Variants in LIPA observed in about 807,000 individuals in gnomAD.
LIPA encodes the protein lysosomal acid lipase/cholesteryl ester hydrolase.
LIPA carries 26 observed loss-of-function variants against 40.6 expected under a neutral mutation model. That is an observed-to-expected ratio of 0.64 (90% CI 0.47 to 0.89). The LOEUF (loss-of-function observed/expected upper bound fraction) is 0.89. Among genes scored for constraint, LIPA ranks in the 40% least tolerant of loss-of-function variants. The probability of loss-of-function intolerance (pLI) is 0.00; values close to 1 mark genes in which losing one functional copy is unlikely to be tolerated. For synonymous variants in LIPA, 188 were observed against 168.4 expected, an observed-to-expected ratio of 1.12 and a Z score of -0.90; for missense variants, 455 against 479.6, an observed-to-expected ratio of 0.95 and a Z score of 0.48.
chr10:89,379,996 C>G (rs1045885011), intron 2 of LIPA, among the ~76,000 whole-genome samples: 6 of 151,088 alleles, frequency 4.0e-5, no homozygotes, highest in African/African-American at 1.5e-4. Flanking sequence ...GATTGCACCA[C>G]TGCACTCCAG....
chr10:89,256,240 G>GA (rs1843180492), upstream of LIPA, among the ~76,000 whole-genome samples: 1 of 152,304 alleles, frequency 6.6e-6, no homozygotes, highest in African/African-American at 2.4e-5. Flanking sequence ...GAGAAGATTG[G>GA]AAAAACATCC....
At position 89,314,365 on chromosome 10, in the gene LIPA, G is replaced by C. The variant is rs1465635016; in HGVS notation, c.-2+28246C>G. On this transcript the variant is annotated intron_variant, in intron 1 of 5. Transcript: ENST00000282673. ...TAAGTTCAAATCTGCATGTGTACAA[G>C]TTTAAGAATAATGTGAATTTATGCC... is the stretch of plus-strand genomic sequence containing the variant. 2.0e-5 allele frequency among the ~76,000 whole-genome samples: 3 copies of C among 152,348 alleles called. No individual in the cohort carries two copies. In the South Asian group the frequency reaches 6.2e-4, roughly 32 times the overall value.
At chr10:89,398,031 T>C (rs1032869670) in intron 2 of LIPA, among the ~76,000 whole-genome samples, 3 of 152,236 alleles carry the variant, frequency 2.0e-5, no homozygotes, top group African/African-American at 7.2e-5. Flanking sequence ...ATTTTTCATC[T>C]TCCTAAACTG....
At chr10:89,338,542 T>A (rs1843784847) in intron 1 of LIPA, 1 of 929,556 alleles carries the variant, frequency 1.1e-6, no homozygotes, top group East Asian at 2.4e-5. Flanking sequence ...CCAGAAATAA[T>A]GTTGGACCAA....
At chr10:89,372,882 G>C (rs1320654304) in intron 2 of LIPA, among the ~76,000 whole-genome samples, 1 of 152,130 alleles carries the variant, frequency 6.6e-6, no homozygotes, top group South Asian at 2.1e-4. Flanking sequence ...CTTGCTTTCC[G>C]GGAACCTGAG....
At chr10:89,242,234 A>G (rs1436125875) in intron 3 of LIPA, among the ~76,000 whole-genome samples, 1 of 152,190 alleles carries the variant, frequency 6.6e-6, no homozygotes, top group Non-Finnish European at 1.5e-5. Context: ...AACACTTCCT[A>G]AGAAGGTTGC....
At chr10:89,261,320 C>A (rs560935851) in intron 1 of LIPA, among the ~76,000 whole-genome samples, 3 of 152,162 alleles carry the variant, frequency 2.0e-5, no homozygotes, top group Non-Finnish European at 4.4e-5. Flanking sequence ...GACTGGCCAA[C>A]ATGGCAAAAC....
chr10:89,412,736 C>T (rs1460609687), intron 2 of LIPA: 1 of 439,190 alleles, frequency 2.3e-6, no homozygotes, highest in African/African-American at 2.0e-5. Flanking sequence ...ATCTGTAACA[C>T]TCACTGTGAA....
At chr10:89,339,124 G>A (rs1366144275) in intron 1 of LIPA, 4 of 1,614,102 alleles carry the variant, frequency 2.5e-6, no homozygotes, top group Non-Finnish European at 2.5e-6. Context: ...AAGGGCGAAG[G>A]TGTGTTTTGA....
At chr10:89,216,306 T>C (rs1237360083) in intron 8 of LIPA, among the ~76,000 whole-genome samples, 1 of 151,920 alleles carries the variant, frequency 6.6e-6, no homozygotes, top group African/African-American at 2.4e-5. Flanking sequence ...CGGAACTTTA[T>C]GCTGACATTT....
At chr10:89,257,075 T>C (rs1843185119) in intron 1 of LIPA, among the ~76,000 whole-genome samples, 1 of 152,222 alleles carries the variant, frequency 6.6e-6, no homozygotes, top group African/African-American at 2.4e-5. Flanking sequence ...ATAAGTTGTT[T>C]TGAATCAATT....
intron 2 of LIPA, chr10:89,384,998 C>G: frequency 2.3e-6 from 1 of 428,890 alleles, no homozygotes; most frequent in Non-Finnish European, 4.2e-6. Context: ...AGCAATCTTT[C>G]TTGGAACATA....
At chr10:89,217,083 C>T (rs1842637816) in intron 8 of LIPA, among the ~76,000 whole-genome samples, 1 of 152,178 alleles carries the variant, frequency 6.6e-6, no homozygotes, top group Admixed American at 6.5e-5. Flanking sequence ...TTCCTCTACA[C>T]TCTCAAATTA....
chr10:89,355,183 C>A (rs1318080119), intron 2 of LIPA, among the ~76,000 whole-genome samples: 1 of 152,204 alleles, frequency 6.6e-6, no homozygotes, highest in Non-Finnish European at 1.5e-5. Flanking sequence ...TGTCTGCCCC[C>A]TAGTAGGATT....
At chr10:89,302,243 C>T in intron 1 of LIPA, 1 of 1,047,518 alleles carries the variant, frequency 9.5e-7, no homozygotes. Flanking sequence ...TGTTTATAGC[C>T]TTACTATGCC....
intron 2 of LIPA, chr10:89,384,129 G>A (rs1698579189): frequency 1.2e-6 from 2 of 1,614,144 alleles, no homozygotes; most frequent in Admixed American, 1.7e-5. Context: ...AAGCTCTTGA[G>A]CTCTTAAAAA....
chr10:89,249,032 A>G (rs1318787314), intron 1 of LIPA, among the ~76,000 whole-genome samples: 1 of 152,182 alleles, frequency 6.6e-6, no homozygotes, highest in African/African-American at 2.4e-5. Context: ...TTCAGCCACT[A>G]TTAGCTCTTC....
intron 2 of LIPA, among the ~76,000 whole-genome samples, chr10:89,354,477 T>C (rs1250265147): frequency 2.0e-5 from 3 of 151,948 alleles, no homozygotes; most frequent in Middle Eastern, 3.4e-3. Context: ...ACTCTTTTCA[T>C]TGACAGACAC....
intron 1 of LIPA, among the ~76,000 whole-genome samples, chr10:89,288,263 C>T (rs1005717569): frequency 6.6e-6 from 1 of 152,174 alleles, no homozygotes; most frequent in African/African-American, 2.4e-5. Context: ...GGTATTTCCA[C>T]CTTTGGATAC....
Sources: gnomAD v4.1 joint callset for allele counts (sites outside exome capture counted in the v4.1 genomes callset) on GRCh38, gnomAD v4.1.1 for gene constraint, MANE v1.5 for transcripts, NCBI Gene and HGNC (gene_info 2026-07-23, HGNC 2026-07-21) for gene names.